The following ACBD3 variants were observed in gnomAD, a reference collection of about 807,000 sequenced individuals.
The protein encoded by ACBD3 is Golgi resident protein GCP60.
Under a neutral mutation model 66.9 loss-of-function variants are expected in ACBD3, and 30 were observed. That is an observed-to-expected ratio of 0.45 (90% CI 0.34 to 0.61). The LOEUF (loss-of-function observed/expected upper bound fraction) is 0.61, where lower values mean the gene tolerates loss of function less well. Ranked by LOEUF, ACBD3 falls within the 20% of genes least tolerant of loss-of-function variation. The pLI, the probability that ACBD3 is intolerant of heterozygous loss-of-function variation, is 0.02. For synonymous variants in ACBD3, 278 were observed against 259.8 expected, an observed-to-expected ratio of 1.07 and a Z score of -0.68; for missense variants, 544 against 664.5, an observed-to-expected ratio of 0.82 and a Z score of 1.99.
At chr1:226,150,410 G>A (rs1345977329) in intron 7 of ACBD3, among the ~76,000 whole-genome samples, 1 of 151,904 alleles carries the variant, frequency 6.6e-6, no homozygotes, top group Non-Finnish European at 1.5e-5. Context: ...ACGGAGTCTC[G>A]CTCTGTTGCC....
intron 1 of ACBD3, among the ~76,000 whole-genome samples, chr1:226,171,456 A>G (rs1659991086): frequency 6.6e-6 from 1 of 150,680 alleles, no homozygotes; most frequent in Admixed American, 6.6e-5. Flanking sequence ...GTCGAGTTTC[A>G]GTACTTTTGG....
At chr1:226,161,499 A>G (rs373705024) in intron 4 of ACBD3, 32 bp downstream of exon 4, 190 of 1,602,444 alleles carry the variant, frequency 1.2e-4, no homozygotes, top group Non-Finnish European at 1.6e-4. Context: ...TCCATTTCTC[A>G]TTTTAAAACA....
chr1:226,152,198 G>A, intron 7 of ACBD3, 137 bp downstream of exon 7: 5 of 1,207,024 alleles, frequency 4.1e-6, no homozygotes, highest in East Asian at 2.4e-5. Flanking sequence ...TTCAGCCCAA[G>A]GTCCCACTAA....
chr1:226,160,007 T>C (rs976819200), intron 4 of ACBD3, among the ~76,000 whole-genome samples: 11 of 152,158 alleles, frequency 7.2e-5, no homozygotes, highest in African/African-American at 2.7e-4. Context: ...ATTTAAAGCC[T>C]GTCTTAATAG....
intron 6 of ACBD3, 156 bp downstream of exon 6, chr1:226,154,491 C>A (rs1320704511): frequency 1.2e-6 from 1 of 802,356 alleles, no homozygotes; most frequent in Non-Finnish European, 1.9e-6. Context: ...TATGAGTCAC[C>A]AGAGCATTAG....
rs936649501 is a variant in ACBD3 at position 226,159,233 on chromosome 1, T to C, written c.854A>G (p.Tyr285Cys). Reference sequence around the variant, plus strand: ...ATACAACTGCTGCATGTACTGCTGATAGTGTTGCTCCTGCAACTGGCGGAT... The same window carrying C: ...ATACAACTGCTGCATGTACTGCTGACAGTGTTGCTCCTGCAACTGGCGGAT... ...ILIRQLQEQH[Y>C]QQYMQQLYQV... Residue 285 changes from tyrosine to cysteine, a missense_variant, in exon 5 of 8, where the codon TAT (tyrosine) becomes TGT (cysteine). Around this residue, in one of 3 missense-constraint regions of ACBD3, gnomAD observed 383 missense variants for 462.4 expected, o/e 0.83. Coordinates refer to ENST00000366812, the MANE Select transcript of ACBD3 (RefSeq NM_022735.4). The C allele has an allele frequency of 5.6e-6, 9 of 1,614,200 alleles. No homozygotes were observed. Among genetic ancestry groups the C allele is most frequent in the East Asian group, 2.2e-5 (1 of 44,890 alleles).
intron 5 of ACBD3, among the ~76,000 whole-genome samples, chr1:226,157,242 ATTTTT>A (rs34096327): frequency 1.4e-5 from 2 of 145,664 alleles, no homozygotes; most frequent in African/African-American, 5.0e-5. Flanking sequence ...TCAATTATGG[ATTTTT>A]TTTTTTTTTG....
At chr1:226,150,302 G>A (rs905073529) in intron 7 of ACBD3, among the ~76,000 whole-genome samples, 1 of 151,992 alleles carries the variant, frequency 6.6e-6, no homozygotes, top group Non-Finnish European at 1.5e-5. Flanking sequence ...TAAACTTCTG[G>A]CCTCAAGAGA....
At chr1:226,150,503 C>T (rs911465277) in intron 7 of ACBD3, among the ~76,000 whole-genome samples, 5 of 152,166 alleles carry the variant, frequency 3.3e-5, no homozygotes, top group African/African-American at 9.6e-5. Flanking sequence ...CTCAGCCTCC[C>T]GAGTAGCTGG....
At position 226,146,403 on chromosome 1, in the gene ACBD3, TGA is replaced by T; in HGVS notation, c.*205_*206del. 1.9e-6 allele frequency: 1 copy of T among 539,480 alleles called. No homozygotes were observed. Among genetic ancestry groups the T allele is most frequent in the East Asian group, 3.2e-5 (1 of 31,508 alleles). 33.4% of individuals were successfully genotyped at this position (539,480 alleles called of 1,614,324 possible). A position where few individuals can be genotyped will look rare whatever the true frequency, so the allele number is the denominator to read the frequency against. On this transcript the variant is annotated 3_prime_UTR_variant, in exon 8 of 8. Transcript: ENST00000366812. ...TGCTGGTCAGCACCCAAGGGCTGGA[TGA>T]GTCTGAGGAATCTCCTTTAACCCCA...
intron 1 of ACBD3, among the ~76,000 whole-genome samples, chr1:226,169,392 C>A (rs1017971354): frequency 4.0e-5 from 6 of 151,768 alleles, no homozygotes; most frequent in African/African-American, 1.5e-4. Context: ...GGACTACAAG[C>A]GCCCGCCACC....
chr1:226,162,158 G>A (rs529784294), intron 3 of ACBD3, among the ~76,000 whole-genome samples: 23 of 152,052 alleles, frequency 1.5e-4, no homozygotes, highest in South Asian at 4.1e-4. Flanking sequence ...GAAAGAACAA[G>A]CACTCGACAA....
At chr1:226,172,104 G>A (rs758002227) in intron 1 of ACBD3, among the ~76,000 whole-genome samples, 1 of 124,886 alleles carries the variant, frequency 8.0e-6, no homozygotes, top group Non-Finnish European at 1.6e-5. Context: ...GCAGTGAGCC[G>A]AGATCGTGCC....
intron 7 of ACBD3, among the ~76,000 whole-genome samples, chr1:226,151,817 C>T (rs987408048): frequency 1.3e-5 from 2 of 152,034 alleles, no homozygotes; most frequent in African/African-American, 4.8e-5. Context: ...ACCAGCCTGA[C>T]CAACATGGTG....
intron 4 of ACBD3, 129 bp downstream of exon 4, chr1:226,161,402 C>A (rs1404277315): frequency 1.5e-6 from 2 of 1,307,430 alleles, no homozygotes; most frequent in Non-Finnish European, 2.1e-6. Context: ...AGGTGATCTG[C>A]CCGCCTCCGC....
At chr1:226,178,574 C>CAAAAAAAAAAAAAAAAAAAA (rs57231361) in intron 1 of ACBD3, among the ~76,000 whole-genome samples, 3 of 83,624 alleles carry the variant, frequency 3.6e-5, no homozygotes, top group African/African-American at 1.4e-4. Flanking sequence ...GACTCCGTCT[C>CAAAAAAAAAAAAAAAAAAAA]AAAAAAAAAA....
At chr1:226,157,798 T>C (rs1659703760) in intron 5 of ACBD3, among the ~76,000 whole-genome samples, 1 of 152,196 alleles carries the variant, frequency 6.6e-6, no homozygotes, top group Non-Finnish European at 1.5e-5. Context: ...TGGCCTTGGC[T>C]TCCCCAGGTG....
Position 226,164,827 on chromosome 1 carries a change from C to A in ACBD3, c.531G>T (p.Ala177=), listed in dbSNP as rs569452390. 1.4e-5 allele frequency: 22 copies of A among 1,610,016 alleles called. 1 individual carries two copies. The Admixed American group carries it at 3.7e-4, about 27-fold the overall frequency. ...RCCHLFSTYV[A]SHKIEKEEQE... is the part of the protein sequence containing the mutation. ...GCTCTTCCTTCTCTATTTTGTGGGA[C>A]GCAACATATGTTGAAAAGAGATGGC... Residue 177 remains alanine, a synonymous_variant, in exon 3 of 8, where the codon GCG becomes GCT. Transcript: ENST00000366812.
chr1:226,169,368 C>T (rs1016937489), intron 1 of ACBD3, among the ~76,000 whole-genome samples: 1 of 152,056 alleles, frequency 6.6e-6, no homozygotes, highest in Non-Finnish European at 1.5e-5. Context: ...CTGCCTCAGC[C>T]TCCCGAGTAG....
Sources: gnomAD v4.1 joint callset for allele counts (sites outside exome capture counted in the v4.1 genomes callset) on GRCh38, gnomAD v4.1.1 for gene constraint, gnomAD v4.1.1 regional missense constraint, MANE v1.5 for transcripts, NCBI Gene and HGNC (gene_info 2026-07-23, HGNC 2026-07-21) for gene names.